The following RIMS2 variants were observed in gnomAD, a reference collection of about 807,000 sequenced individuals.
RIMS2 encodes the protein regulating synaptic membrane exocytosis protein 2.
RIMS2 carries 59 observed loss-of-function variants against 174.4 expected under a neutral mutation model. The ratio of observed to expected loss-of-function variants is 0.34; its 90% CI spans 0.27 to 0.42. RIMS2 has a LOEUF of 0.42. Among genes scored for constraint, RIMS2 ranks in the 10% least tolerant of loss-of-function variants. The pLI, the probability that RIMS2 is intolerant of heterozygous loss-of-function variation, is 1.00. For missense variants in RIMS2, 1,620 were observed against 1,666.3 expected (o/e 0.97, Z 0.48); for synonymous variants, 606 against 572.5 (o/e 1.06, Z -0.84).
At chr8:103,743,237 G>A (rs2097777378) in intron 2 of RIMS2, among the ~76,000 whole-genome samples, 1 of 152,118 alleles carries the variant, frequency 6.6e-6, no homozygotes, top group South Asian at 2.1e-4. Context: ...TATATTTCAT[G>A]TATATAACAG....
chr8:103,802,632 A>G (rs1564693268), intron 3 of RIMS2, among the ~76,000 whole-genome samples: 1 of 152,214 alleles, frequency 6.6e-6, no homozygotes, highest in Non-Finnish European at 1.5e-5. Context: ...AACTGGTTTG[A>G]AATAAATTTC....
intron 1 of RIMS2, among the ~76,000 whole-genome samples, chr8:103,631,407 T>C (rs948752260): frequency 6.6e-6 from 1 of 152,236 alleles, no homozygotes; most frequent in African/African-American, 2.4e-5. Flanking sequence ...ACATTGCTTA[T>C]TTTTGTACGT....
At chr8:103,955,431 C>T (rs2086826948) in intron 14 of RIMS2, among the ~76,000 whole-genome samples, 1 of 152,194 alleles carries the variant, frequency 6.6e-6, no homozygotes, top group Non-Finnish European at 1.5e-5. Context: ...CCCTGGGATT[C>T]AAGGCTGGTT....
chr8:104,109,650 T>A (rs1223217848), intron 19 of RIMS2, among the ~76,000 whole-genome samples: 1 of 152,230 alleles, frequency 6.6e-6, no homozygotes, highest in South Asian at 2.1e-4. Flanking sequence ...AAATTCTCAC[T>A]TTTTTAGCTT....
At chr8:103,734,821 A>G (rs2097663936) in intron 2 of RIMS2, among the ~76,000 whole-genome samples, 1 of 152,040 alleles carries the variant, frequency 6.6e-6, no homozygotes. Flanking sequence ...AGTTCCCATG[A>G]TCATCCCTTA....
chr8:103,810,178 A>G (rs561801967), intron 3 of RIMS2, among the ~76,000 whole-genome samples: 2 of 152,178 alleles, frequency 1.3e-5, no homozygotes, highest in Non-Finnish European at 2.9e-5. Context: ...TTCTGCCTAT[A>G]TGGGAATAGA....
intron 1 of RIMS2, among the ~76,000 whole-genome samples, chr8:103,678,639 A>T (rs905668664): frequency 6.6e-6 from 1 of 152,154 alleles, no homozygotes; most frequent in Non-Finnish European, 1.5e-5. Flanking sequence ...CTGAAACAAC[A>T]TATAGAACAT....
At chr8:104,095,641 T>C (rs2097748698) in intron 19 of RIMS2, among the ~76,000 whole-genome samples, 1 of 152,144 alleles carries the variant, frequency 6.6e-6, no homozygotes, top group South Asian at 2.1e-4. Context: ...GACGTTATTC[T>C]AATTACATTT....
Position 103,578,912 on chromosome 8 carries a change from A to G in RIMS2, c.176+77850A>G, listed in dbSNP as rs1055855619. On this transcript the variant is annotated intron_variant, in intron 1 of 23. Coordinates refer to ENST00000504942, the Ensembl canonical transcript of RIMS2. ...GAAGCTGAGGCAGGAGAATCACCCA[A>G]CTGGAAGGTGGAGGTTGCACTGAGC... Among the ~76,000 whole-genome samples the G allele has an allele frequency of 1.4e-4, 21 of 152,170 alleles. No individual in the cohort carries two copies. In the East Asian group the frequency reaches 4.1e-3, roughly 29 times the overall value.
intron 1 of RIMS2, among the ~76,000 whole-genome samples, chr8:103,515,021 T>C (rs911417393): frequency 3.3e-5 from 5 of 152,214 alleles, no homozygotes; most frequent in Non-Finnish European, 7.3e-5. Flanking sequence ...TGAAAATTCA[T>C]CCTCTTTAAA....
At chr8:103,942,984 G>A (rs1301598377) in intron 14 of RIMS2, 58 bp downstream of exon 16, 4 of 1,294,210 alleles carry the variant, frequency 3.1e-6, no homozygotes, top group South Asian at 2.8e-5. Context: ...CTTGAGTGAT[G>A]TATGTGATAA....
At chr8:103,978,428 G>GA (rs1447004793) in intron 16 of RIMS2, among the ~76,000 whole-genome samples, 1 of 123,122 alleles carries the variant, frequency 8.1e-6, no homozygotes, top group Admixed American at 7.5e-5. Flanking sequence ...ATATGTTCTA[G>GA]AAAAAATTAC....
intron 1 of RIMS2, among the ~76,000 whole-genome samples, chr8:103,597,795 C>A (rs1248515896): frequency 6.6e-6 from 1 of 151,918 alleles, no homozygotes; most frequent in Non-Finnish European, 1.5e-5. Context: ...AGGTTATAAG[C>A]TATAATCATC....
At chr8:103,920,535 A>G (rs575892320) in intron 9 of RIMS2, among the ~76,000 whole-genome samples, 1 of 152,162 alleles carries the variant, frequency 6.6e-6, no homozygotes, top group South Asian at 2.1e-4. Context: ...CCAATTAGGC[A>G]TACCACTCTA....
At chr8:103,687,912 C>T (rs1339714416) in intron 1 of RIMS2, among the ~76,000 whole-genome samples, 1 of 151,892 alleles carries the variant, frequency 6.6e-6, no homozygotes, top group East Asian at 1.9e-4. Flanking sequence ...GATTCATTCA[C>T]TGATGGATAC....
At chr8:104,132,474 A>AAAAGC (rs1412989511) in intron 19 of RIMS2, among the ~76,000 whole-genome samples, 2 of 152,228 alleles carry the variant, frequency 1.3e-5, no homozygotes, top group Non-Finnish European at 2.9e-5. Flanking sequence ...GCTAATATTT[A>AAAAGC]AAAGCATGGA....
At chr8:103,610,582 C>T (rs780351921) in intron 1 of RIMS2, among the ~76,000 whole-genome samples, 1 of 152,020 alleles carries the variant, frequency 6.6e-6, no homozygotes, top group Non-Finnish European at 1.5e-5. Flanking sequence ...GCCTCTATTG[C>T]GATAATGATG....
rs1241650550 is a variant in RIMS2, at chr8:103,643,332, T to C, written c.177-53754T>C. Among the ~76,000 whole-genome samples the C allele has an allele frequency of 3.9e-5, 6 of 152,106 alleles. No homozygotes were observed. In the East Asian group the frequency reaches 7.7e-4, roughly 20 times the overall value. ...CTTGCATGTTGTCTACGTTTTACAT[T>C]GGAACTCTTAGTATATTAACCACAG... On this transcript the variant is annotated intron_variant, in intron 1 of 23. Coordinates refer to ENST00000504942, the Ensembl canonical transcript of RIMS2.
intron 19 of RIMS2, 44 bp from the exon 24 acceptor site, chr8:104,093,427 G>A (rs535532254): frequency 1.4e-6 from 2 of 1,396,118 alleles, no homozygotes; most frequent in East Asian, 2.4e-5. Flanking sequence ...GCTTTGTGTG[G>A]TAATACTGAC....
Sources: allele counts gnomAD v4.1 joint callset (sites outside exome capture counted in the v4.1 genomes callset), GRCh38; gene constraint gnomAD v4.1.1; transcripts MANE v1.5; gene names NCBI Gene and HGNC (gene_info 2026-07-23, HGNC 2026-07-21).